Variants in GPC4 observed in about 807,000 individuals in gnomAD.
GPC4 encodes glypican-4.
Under a neutral mutation model 35.0 loss-of-function variants are expected in GPC4, and 10 were observed. That is an observed-to-expected ratio of 0.29 (90% confidence interval 0.18 to 0.48). The LOEUF (loss-of-function observed/expected upper bound fraction) is 0.48, where lower values mean the gene tolerates loss of function less well. Ranked by LOEUF, GPC4 falls within the 20% of genes least tolerant of loss-of-function variation. The pLI is 0.99. For synonymous variants in GPC4, 167 were observed against 170.2 expected, an observed-to-expected ratio of 0.98 and a Z score of 0.15; for missense variants, 322 against 451.3, an observed-to-expected ratio of 0.71 and a Z score of 2.60.
At chrX:133,312,079 GCA>G (rs2068317099) in intron 3 of GPC4, among the ~76,000 whole-genome samples, 1 of 111,461 alleles carries the variant, frequency 9.0e-6, no homozygotes, top group Non-Finnish European at 1.9e-5. Flanking sequence ...GAGTACTAAA[GCA>G]CAGAGTGTTC....
chrX:133,341,983 C>T (rs1301992242), intron 1 of GPC4, among the ~76,000 whole-genome samples: 2 of 107,427 alleles, frequency 1.9e-5, no homozygotes. Flanking sequence ...AGAACCTTAT[C>T]GAGACTTGCT....
At chrX:133,317,245 TA>T (rs2068342931) in intron 3 of GPC4, among the ~76,000 whole-genome samples, 1 of 111,140 alleles carries the variant, frequency 9.0e-6, no homozygotes, top group South Asian at 3.8e-4. Flanking sequence ...TGTTTCATGA[TA>T]AAAGTCAGTG....
chrX:133,391,095 G>A (rs1042431663), intron 1 of GPC4, among the ~76,000 whole-genome samples: 14 of 112,126 alleles, frequency 1.2e-4, no homozygotes, highest in Admixed American at 5.7e-4. Context: ...TAAAAGCTAT[G>A]TATACTGTCA....
chrX:133,349,309 C>CT (rs2068506598), intron 1 of GPC4, among the ~76,000 whole-genome samples: 2 of 112,549 alleles, frequency 1.8e-5, no homozygotes, highest in South Asian at 7.4e-4. Context: ...AGACATCAGA[C>CT]ACACCCCTTT....
intron 1 of GPC4, among the ~76,000 whole-genome samples, chrX:133,387,860 C>T (rs1319495207): frequency 8.9e-6 from 1 of 111,847 alleles, no homozygotes; most frequent in Admixed American, 9.5e-5. Context: ...TTGAGTTCCC[C>T]AATAGCTTCT....
In GPC4 at chrX:133,376,068, C is replaced by T. The variant is rs1302201397; in HGVS notation, c.161-36727G>A. Among the ~76,000 whole-genome samples, 3 of 111,981 alleles carry T rather than the reference C, an allele frequency of 2.7e-5. No homozygotes were observed. In the Admixed American group the frequency reaches 2.8e-4, roughly 11 times the overall value. On this transcript the variant is annotated intron_variant, in intron 1 of 8. Transcript: ENST00000370828. ...GTCTCCCCAGGGTTCTCCTAATCCT[C>T]GGCAGCCACTGAAGACAGCCAGGAT...
intron 1 of GPC4, among the ~76,000 whole-genome samples, chrX:133,375,213 T>G (rs963427871): frequency 8.9e-6 from 1 of 112,014 alleles, no homozygotes. Flanking sequence ...TATGTGTATA[T>G]GTAGTAGTCT....
intron 7 of GPC4, among the ~76,000 whole-genome samples, chrX:133,303,688 C>T (rs1047377499): frequency 1.8e-5 from 2 of 110,173 alleles, no homozygotes; most frequent in Admixed American, 9.8e-5. Flanking sequence ...CCTGTCTCTA[C>T]TAAAAATATG....
intron 1 of GPC4, among the ~76,000 whole-genome samples, chrX:133,385,624 A>C (rs1211564209): frequency 8.9e-6 from 1 of 111,905 alleles, no homozygotes; most frequent in Non-Finnish European, 1.9e-5. Flanking sequence ...AATGAAGATA[A>C]AAATACTCCT....
chrX:133,354,669 C>T (rs1163971958), intron 1 of GPC4, among the ~76,000 whole-genome samples: 1 of 106,905 alleles, frequency 9.4e-6, no homozygotes, highest in Non-Finnish European at 1.9e-5. Context: ...CCCGGGTTCA[C>T]GCCATTCTCC....
In GPC4 at chrX:133,353,945, A is replaced by C. The variant is rs765712855; in HGVS notation, c.161-14604T>G. On this transcript the variant is annotated intron_variant, in intron 1 of 8. Coordinates refer to ENST00000370828, the MANE Select transcript of GPC4 (RefSeq NM_001448.3). ...GATGGCACGCAGCATTACTACTGCA[A>C]TTATTGACTATAATTATCATGAAAA... Among the ~76,000 whole-genome samples, 216 of 111,564 alleles carry C rather than the reference A, an allele frequency of 1.9e-3. 1 individual carries two copies. The highest frequency in any genetic ancestry group is 3.3e-3 in the Non-Finnish European group (176 of 53,153).
chrX:133,324,590 TGTTTAAATAACTGCTTTTCCA>T, intron 2 of GPC4, 54 bp from the exon 3 acceptor site: 1 of 1,019,224 alleles, frequency 9.8e-7, no homozygotes, highest in African/African-American at 1.9e-5. Context: ...GAGTTTTCAG[TGTTTAAATAACTGCTTTTCCA>T]GTAAATTTGA....
intron 1 of GPC4, among the ~76,000 whole-genome samples, chrX:133,340,208 T>C (rs1002727996): frequency 4.5e-5 from 5 of 110,446 alleles, no homozygotes; most frequent in South Asian, 4.0e-4. Context: ...GGGTTTTTTC[T>C]ATATGCCCCA....
intron 1 of GPC4, among the ~76,000 whole-genome samples, chrX:133,411,083 C>A (rs1224591539): frequency 8.9e-6 from 1 of 112,602 alleles, no homozygotes; most frequent in Non-Finnish European, 1.9e-5. Context: ...ACCTCTCCAA[C>A]ACACATACAC....
chrX:133,354,564 A>ATTTT (rs1320451355), intron 1 of GPC4, among the ~76,000 whole-genome samples: 5,298 of 93,935 alleles, frequency 0.056, 422 homozygotes, highest in African/African-American at 0.19. Context: ...TTATTTATTT[A>ATTTT]TTTATTTTTT....
At chrX:133,356,122 T>C (rs2068540686) in intron 1 of GPC4, among the ~76,000 whole-genome samples, 1 of 111,928 alleles carries the variant, frequency 8.9e-6, no homozygotes. Flanking sequence ...ATAGATATGG[T>C]TTGTATGGCC....
chrX:133,308,414 T>C (rs1392151490), intron 4 of GPC4, among the ~76,000 whole-genome samples: 1 of 112,278 alleles, frequency 8.9e-6, no homozygotes, highest in Non-Finnish European at 1.9e-5. Flanking sequence ...ACAAGTTGCA[T>C]AGCATAATTT....
chrX:133,319,308 G>A (rs776777700), intron 3 of GPC4, among the ~76,000 whole-genome samples: 34 of 107,812 alleles, frequency 3.2e-4, no homozygotes, highest in Admixed American at 3.1e-3. Flanking sequence ...GCTGGGTGTG[G>A]TGGCACGTGC....
intron 1 of GPC4, among the ~76,000 whole-genome samples, chrX:133,345,652 C>T (rs185049315): frequency 6.4e-4 from 72 of 112,206 alleles, no homozygotes; most frequent in African/African-American, 2.3e-3. Flanking sequence ...ACCTCACTTC[C>T]GTTTCCTGTA....
Sources: gnomAD v4.1 joint callset for allele counts (sites outside exome capture counted in the v4.1 genomes callset) on GRCh38, gnomAD v4.1.1 for gene constraint, MANE v1.5 for transcripts, NCBI Gene and HGNC (gene_info 2026-07-23, HGNC 2026-07-21) for gene names.